BMX: variants seen among roughly 807,000 people sequenced by gnomAD.
The protein encoded by BMX is BMX non-receptor tyrosine kinase.
BMX carries 31 observed loss-of-function variants against 59.2 expected under a neutral mutation model. The ratio of observed to expected loss-of-function variants is 0.52; its 90% CI spans 0.39 to 0.71. BMX has a LOEUF of 0.71. BMX is among the 30% of genes least tolerant of loss of function. The probability of loss-of-function intolerance (pLI) is 0.00; values close to 1 mark genes in which losing one functional copy is unlikely to be tolerated. For missense variants in BMX, 474 were observed against 491.7 expected (o/e 0.96, Z 0.34); for synonymous variants, 185 against 181.0 (o/e 1.02, Z -0.18).
At chrX:15,501,232 C>T (rs1403591893) in intron 1 of BMX, among the ~76,000 whole-genome samples, 1 of 111,904 alleles carries the variant, frequency 8.9e-6, no homozygotes, top group East Asian at 2.8e-4. Context: ...CCAGTTCTAC[C>T]TAGCTTTGTG....
Position 15,546,816 on chromosome X carries a change from G to T in BMX, c.1690G>T (p.Asp564Tyr). 8.3e-7 allele frequency: 1 copy of T among 1,209,001 alleles called. No homozygotes were observed. Among genetic ancestry groups the T allele is most frequent in the South Asian group, 1.8e-5 (1 of 56,778 alleles). ...DFGMTRYVLD[D>Y]QYVSSVGTKF... ...TTTCCCTGGCAGGTATGTTCTTGAT[G>T]ACCAGTATGTCAGTTCAGTCGGAAC... The change falls in exon 17 of 19, where the codon GAC (aspartate) becomes TAC (tyrosine). Residue 564 changes from aspartate to tyrosine, a missense_variant. Asp to Tyr is a radical substitution (Grantham distance 160, BLOSUM62 -3). Coordinates refer to ENST00000348343, the MANE Select transcript of BMX (RefSeq NM_203281.3).
At chrX:15,542,653 T>C (rs920967619) in intron 15 of BMX, among the ~76,000 whole-genome samples, 1 of 111,879 alleles carries the variant, frequency 8.9e-6, no homozygotes, top group African/African-American at 3.3e-5. Context: ...GATTTATCTT[T>C]AGAGATTTTC....
At chrX:15,521,004 CTCTT>C (rs1014699139) in intron 6 of BMX, among the ~76,000 whole-genome samples, 2 of 108,450 alleles carry the variant, frequency 1.8e-5, no homozygotes, top group Admixed American at 1.9e-4. Flanking sequence ...TTAAATGCAT[CTCTT>C]TCTGTCACAC....
intron 15 of BMX, 63 bp downstream of exon 15, chrX:15,542,261 TGG>T (rs1236936922): frequency 9.4e-7 from 1 of 1,069,441 alleles, no homozygotes; most frequent in Non-Finnish European, 1.3e-6. Flanking sequence ...CTTCTGGAGA[TGG>T]GGTCACTGGT....
rs1388114636 is a variant in BMX, at chrX:15,508,442, T to G, written c.89T>G (p.Leu30Arg). ...KMSPNNYKER[L>R]FVLTKTNLSY... ...TCACCAAATAATTACAAAGAACGGC[T>G]TTTTGTTTTGACCAAAACAAACCTT... The change falls in exon 2 of 19, where the codon CTT becomes CGT. Residue 30 changes from leucine to arginine, a missense_variant. Physicochemically the swap from Leu to Arg is moderately radical, Grantham distance 102. Coordinates refer to ENST00000348343, the MANE Select transcript of BMX (RefSeq NM_203281.3). 3 of 1,191,099 alleles carry G rather than the reference T, an allele frequency of 2.5e-6. No homozygotes were observed. The highest frequency in any genetic ancestry group is 3.4e-6 in the Non-Finnish European group (3 of 885,665).
At chrX:15,528,008 A>C (rs926059638) in intron 9 of BMX, among the ~76,000 whole-genome samples, 8 of 112,734 alleles carry the variant, frequency 7.1e-5, no homozygotes, top group African/African-American at 2.6e-4. Flanking sequence ...ACTCTTTAGC[A>C]TTTAAATAAA....
In BMX at chrX:15,510,972, T is replaced by A. The variant is rs778264421; in HGVS notation, c.244-465T>A. 5.3e-5 allele frequency among the ~76,000 whole-genome samples: 6 copies of A among 112,225 alleles called. No individual in the cohort carries two copies. The East Asian group carries it at 1.7e-3, about 31-fold the overall frequency. ...ATTTTTACTCAATGTAAGTATGAAC[T>A]GTATAATGATCAGAATATATGGATA... On this transcript the variant is annotated intron_variant, in intron 3 of 18. Coordinates refer to ENST00000348343, the MANE Select transcript of BMX (RefSeq NM_203281.3).
chrX:15,501,689 C>G (rs1307114333), intron 1 of BMX, among the ~76,000 whole-genome samples: 3 of 111,824 alleles, frequency 2.7e-5, no homozygotes, highest in African/African-American at 9.8e-5. Flanking sequence ...GTCTAATGAT[C>G]GCCCGGATGA....
At chrX:15,542,411 T>G (rs1925736951) in intron 15 of BMX, among the ~76,000 whole-genome samples, 1 of 111,633 alleles carries the variant, frequency 9.0e-6, no homozygotes, top group Non-Finnish European at 1.9e-5. Context: ...GCTGTTAAGG[T>G]CTACATAGCT....
chrX:15,529,365 T>C (rs1446500890), intron 9 of BMX, among the ~76,000 whole-genome samples: 1 of 111,655 alleles, frequency 9.0e-6, no homozygotes, highest in Non-Finnish European at 1.9e-5. Context: ...GCAGATGTTA[T>C]CTTCTAGCCA....
chrX:15,512,743 C>T (rs954039339), intron 4 of BMX, among the ~76,000 whole-genome samples: 1 of 112,285 alleles, frequency 8.9e-6, no homozygotes, highest in Non-Finnish European at 1.9e-5. Context: ...ACAGATGAGA[C>T]ACTCATAAAT....
At chrX:15,543,567 C>T (rs1925801563) in intron 16 of BMX, among the ~76,000 whole-genome samples, 1 of 110,444 alleles carries the variant, frequency 9.1e-6, no homozygotes. Flanking sequence ...GAGTACTACT[C>T]AGCCATTTAA....
intron 6 of BMX, among the ~76,000 whole-genome samples, chrX:15,520,001 G>T (rs900614820): frequency 8.9e-6 from 1 of 111,908 alleles, no homozygotes; most frequent in African/African-American, 3.2e-5. Context: ...ATTTGGAGGG[G>T]TCGAATATCC....
At chrX:15,533,219 G>A (rs963098031) in intron 11 of BMX, among the ~76,000 whole-genome samples, 4 of 111,756 alleles carry the variant, frequency 3.6e-5, no homozygotes, top group Admixed American at 9.5e-5. Flanking sequence ...AAGTTGATTG[G>A]TACATGTGAC....
intron 18 of BMX, 109 bp downstream of exon 18, chrX:15,550,106 C>A: frequency 1.0e-6 from 1 of 952,418 alleles, no homozygotes; most frequent in Non-Finnish European, 1.4e-6. Flanking sequence ...TGGTACAGAG[C>A]AGGAGAGAAT....
Position 15,526,069 on chromosome X carries a change from A to C in BMX, c.858A>C (p.Glu286Asp). 3.3e-6 allele frequency: 4 copies of C among 1,209,150 alleles called. No individual in the cohort carries two copies. The highest frequency in any genetic ancestry group is 4.6e-4 in the Middle Eastern group (2 of 4,337). The change falls in exon 9 of 19, where the codon GAA becomes GAC. Residue 286 changes from glutamate (E) to aspartate (D), a missense_variant. By Grantham distance (45) the Glu-to-Asp change is conservative (BLOSUM62 2). Coordinates refer to ENST00000348343, the MANE Select transcript of BMX (RefSeq NM_203281.3). Reference protein sequence around the residue: ...SWEFPESSSSEEEENLDDYDW... With the variant: ...SWEFPESSSSDEEENLDDYDW... ...AATTCCCTGAGTCAAGTTCATCTGA[A>C]GAAGAGGAAAACCTGGATGATTATG...
At chrX:15,544,583 A>G (rs1925858997) in intron 16 of BMX, among the ~76,000 whole-genome samples, 1 of 111,478 alleles carries the variant, frequency 9.0e-6, no homozygotes. Context: ...CCAAAAAAAG[A>G]TCCAAAGAAA....
At chrX:15,511,570 A>G (rs1474367890) in intron 4 of BMX, 52 bp downstream of exon 4, 4 of 1,067,755 alleles carry the variant, frequency 3.7e-6, no homozygotes, top group Admixed American at 5.3e-5. Flanking sequence ...AAGCCATAAA[A>G]GAGAGTCGTT....
At chrX:15,511,379 C>T in intron 3 of BMX, 58 bp from the exon 4 acceptor site, 1 of 1,018,907 alleles carries the variant, frequency 9.8e-7, no homozygotes, top group South Asian at 2.2e-5. Flanking sequence ...TTTGCAGGTG[C>T]ACCAAAGTGA....
Sources: allele counts gnomAD v4.1 joint callset (sites outside exome capture counted in the v4.1 genomes callset), GRCh38; gene constraint gnomAD v4.1.1; transcripts MANE v1.5; gene names NCBI Gene and HGNC (gene_info 2026-07-23, HGNC 2026-07-21).